NRXN3: variants seen among roughly 807,000 people sequenced by gnomAD.
NRXN3 encodes the protein neurexin III.
NRXN3 carries 32 observed loss-of-function variants against 137.6 expected under a neutral mutation model. The observed-to-expected ratio is 0.23, with a 90% CI of 0.18 to 0.31. The LOEUF (loss-of-function observed/expected upper bound fraction) is 0.31. NRXN3 is among the 10% of genes least tolerant of loss of function. NRXN3 has a pLI of 1.00. For synonymous variants in NRXN3, 798 were observed against 784.5 expected (o/e 1.02, Z -0.29); for missense variants, 1,574 against 2,062.5 (o/e 0.76, Z 4.59).
At chr14:78,829,782 G>A (rs2098976729) in intron 10 of NRXN3, among the ~76,000 whole-genome samples, 2 of 152,126 alleles carry the variant, frequency 1.3e-5, no homozygotes, top group Non-Finnish European at 2.9e-5. Context: ...AAAACACCCT[G>A]AGTTAATTTG....
At chr14:79,616,368 T>G (rs938941325) in intron 16 of NRXN3, among the ~76,000 whole-genome samples, 2 of 151,770 alleles carry the variant, frequency 1.3e-5, no homozygotes, top group African/African-American at 4.8e-5. Context: ...GGGTGGGGAG[T>G]AGAATTGGTG....
rs367750132 is a variant in NRXN3 at position 79,370,288 on chromosome 14, GT to G, written c.3263-96925del. Among the ~76,000 whole-genome samples the G allele has an allele frequency of 7.2e-3, 1,066 of 148,358 alleles. 3 individuals are homozygous for G. The highest frequency in any genetic ancestry group is 0.012 in the Non-Finnish European group (804 of 67,058). The stretch of plus-strand genomic sequence containing the variant: ...AGAACAACCAGCTAAAGTTTATCGG[GT>G]TTTTTTTGTTTCTGTTTTTTTGGGT... On this transcript the variant is annotated intron_variant, in intron 15 of 20. Transcript: ENST00000335750.
intron 15 of NRXN3, among the ~76,000 whole-genome samples, chr14:79,356,848 C>A (rs2093441642): frequency 6.6e-6 from 1 of 152,114 alleles, no homozygotes; most frequent in African/African-American, 2.4e-5. Flanking sequence ...GCTGCCTCAG[C>A]TTCTGGAGTA....
chr14:78,180,450 C>A (rs1417441478), intron 1 of NRXN3, among the ~76,000 whole-genome samples: 1 of 152,210 alleles, frequency 6.6e-6, no homozygotes, highest in African/African-American at 2.4e-5. Context: ...AAGTGCTTTG[C>A]ATATGAAGTT....
chr14:78,792,668 A>G (rs938654956), intron 8 of NRXN3, among the ~76,000 whole-genome samples: 3 of 152,208 alleles, frequency 2.0e-5, no homozygotes, highest in Non-Finnish European at 4.4e-5. Flanking sequence ...TCAAGGATTA[A>G]AATAATATCC....
intron 2 of NRXN3, among the ~76,000 whole-genome samples, chr14:78,260,468 G>A (rs2070501860): frequency 6.6e-6 from 1 of 152,188 alleles, no homozygotes; most frequent in South Asian, 2.1e-4. Context: ...CTCCTGAGTA[G>A]GCCTTGATGA....
At chr14:78,626,434 C>T (rs1301945860) in intron 4 of NRXN3, among the ~76,000 whole-genome samples, 4 of 152,038 alleles carry the variant, frequency 2.6e-5, no homozygotes, top group Admixed American at 1.3e-4. Context: ...AGGCATCAAT[C>T]GTTATTATTT....
intron 15 of NRXN3, among the ~76,000 whole-genome samples, chr14:79,154,360 A>G (rs1266303808): frequency 6.6e-6 from 1 of 151,996 alleles, no homozygotes; most frequent in Non-Finnish European, 1.5e-5. Flanking sequence ...TGAAAAAGTC[A>G]GAAGAGGAGA....
chr14:78,171,329 AGT>A (rs978343973), intron 1 of NRXN3, among the ~76,000 whole-genome samples: 1 of 132,660 alleles, frequency 7.5e-6, no homozygotes, highest in Non-Finnish European at 1.6e-5. Flanking sequence ...GTGAAAAGGG[AGT>A]GTGTGTGTGA....
chr14:79,285,941 A>G (rs1352932843), intron 15 of NRXN3, among the ~76,000 whole-genome samples: 2 of 151,608 alleles, frequency 1.3e-5, no homozygotes, highest in African/African-American at 4.9e-5. Context: ...TTGGACTCAA[A>G]CTTTCACAGC....
In NRXN3 at chr14:79,858,991, A is replaced by C. The variant is rs1256633803; in HGVS notation, c.4094-2351A>C. ...TGTTCACAATGTAAAAAAAAGAAAA[A>C]AAAAAAAAACAGGTGTCTGCTGGTC... On this transcript the variant is annotated intron_variant, in intron 20 of 20. Coordinates refer to ENST00000335750, the MANE Select transcript of NRXN3 (RefSeq NM_001330195.2). 2.6e-5 allele frequency among the ~76,000 whole-genome samples: 4 copies of C among 151,872 alleles called. No homozygotes were observed. In the South Asian group the frequency reaches 6.2e-4, roughly 24 times the overall value.
chr14:79,657,768 TC>T (rs2098513496), intron 16 of NRXN3, among the ~76,000 whole-genome samples: 1 of 152,236 alleles, frequency 6.6e-6, no homozygotes, highest in Non-Finnish European at 1.5e-5. Context: ...CTGTAACTCA[TC>T]TTTTTGTATT....
intron 15 of NRXN3, among the ~76,000 whole-genome samples, chr14:79,168,829 G>A (rs1044520554): frequency 1.3e-5 from 2 of 152,054 alleles, no homozygotes; most frequent in Admixed American, 6.6e-5. Flanking sequence ...ATCATGAAAT[G>A]TAATACCTAA....
intron 15 of NRXN3, among the ~76,000 whole-genome samples, chr14:79,018,608 C>A (rs373927958): frequency 1.3e-5 from 2 of 152,156 alleles, no homozygotes; most frequent in African/African-American, 4.8e-5. Context: ...TCTCACTCTC[C>A]TTTACAGAGT....
intron 4 of NRXN3, among the ~76,000 whole-genome samples, chr14:78,344,461 T>C (rs1312054882): frequency 1.3e-5 from 2 of 152,226 alleles, no homozygotes; most frequent in Non-Finnish European, 2.9e-5. Context: ...AAAATTCCTC[T>C]GGGCATGCCC....
intron 16 of NRXN3, among the ~76,000 whole-genome samples, chr14:79,468,357 G>A (rs765809532): frequency 6.6e-6 from 1 of 152,320 alleles, no homozygotes; most frequent in Middle Eastern, 3.4e-3. Context: ...AGTACCCAAA[G>A]TGCAGTCTCC....
chr14:78,187,840 C>G (rs376964089), intron 1 of NRXN3, among the ~76,000 whole-genome samples: 2 of 144,290 alleles, frequency 1.4e-5, no homozygotes, highest in Admixed American at 1.4e-4. Flanking sequence ...GCAGGAGGTA[C>G]GAGAACTCAT....
chr14:79,307,844 CAAG>C (rs1168652802), intron 15 of NRXN3, among the ~76,000 whole-genome samples: 1 of 151,226 alleles, frequency 6.6e-6, no homozygotes, highest in East Asian at 1.9e-4. Context: ...TTCTTTTGGT[CAAG>C]CCATTTGTAT....
At chr14:79,821,367 G>T (rs1182517738) in intron 20 of NRXN3, among the ~76,000 whole-genome samples, 3 of 152,138 alleles carry the variant, frequency 2.0e-5, no homozygotes, top group Admixed American at 1.3e-4. Flanking sequence ...AGATGAAATA[G>T]ACCAGACCAG....
Sources: allele counts gnomAD v4.1 joint callset (sites outside exome capture counted in the v4.1 genomes callset), GRCh38; gene constraint gnomAD v4.1.1; transcripts MANE v1.5; gene names NCBI Gene and HGNC (gene_info 2026-07-23, HGNC 2026-07-21).